The following SCAPER variants were observed in gnomAD, a reference collection of about 807,000 sequenced individuals.
SCAPER encodes S phase cyclin A-associated protein in the endoplasmic reticulum.
SCAPER carries 98 observed loss-of-function variants against 182.2 expected under a neutral mutation model. The observed-to-expected ratio is 0.54, with a 90% CI of 0.46 to 0.64. The LOEUF is 0.64. Among genes scored for constraint, SCAPER ranks in the 30% least tolerant of loss-of-function variants. SCAPER has a pLI of 0.00. For synonymous variants in SCAPER, 605 were observed against 564.6 expected, an observed-to-expected ratio of 1.07 and a Z score of -1.01; for missense variants, 1,432 against 1,690.0, an observed-to-expected ratio of 0.85 and a Z score of 2.68.
At chr15:76,355,211 C>A (rs1031808124) in intron 29 of SCAPER, among the ~76,000 whole-genome samples, 1 of 152,208 alleles carries the variant, frequency 6.6e-6, no homozygotes, top group African/African-American at 2.4e-5. Flanking sequence ...GATGATAATG[C>A]AGTTTAGTTT....
chr15:76,847,072 C>G (rs964552407), intron 4 of SCAPER, among the ~76,000 whole-genome samples: 1 of 151,878 alleles, frequency 6.6e-6, no homozygotes, highest in Non-Finnish European at 1.5e-5. Context: ...GAGGTCCTTA[C>G]GTAAATGAAA....
chr15:76,620,269 T>A (rs1417596579), intron 22 of SCAPER, among the ~76,000 whole-genome samples: 1 of 152,124 alleles, frequency 6.6e-6, no homozygotes, highest in African/African-American at 2.4e-5. Flanking sequence ...CTCATAGAAT[T>A]ATTGTCAGGA....
chr15:76,639,021 T>C (rs150326424), intron 21 of SCAPER, among the ~76,000 whole-genome samples: 5 of 152,146 alleles, frequency 3.3e-5, no homozygotes, highest in African/African-American at 9.7e-5. Context: ...AGAGTCTAAA[T>C]AGAAAATGCC....
chr15:76,800,603 A>C (rs767598285), intron 6 of SCAPER, among the ~76,000 whole-genome samples: 51 of 152,316 alleles, frequency 3.3e-4, no homozygotes, highest in Middle Eastern at 3.4e-3. Context: ...CAGCACAGCA[A>C]CACTACTCCA....
intron 29 of SCAPER, among the ~76,000 whole-genome samples, chr15:76,355,778 G>T (rs1436859183): frequency 1.3e-5 from 2 of 152,220 alleles, no homozygotes; most frequent in Non-Finnish European, 2.9e-5. Flanking sequence ...TCACTGGAGT[G>T]AGGCAGAGCC....
chr15:76,549,064 T>A (rs1452549112), intron 23 of SCAPER, among the ~76,000 whole-genome samples: 5 of 150,882 alleles, frequency 3.3e-5, no homozygotes, highest in South Asian at 2.1e-4. Flanking sequence ...AGGGCTAATA[T>A]CCAGAATCTA....
chr15:76,520,860 C>A (rs1291977289), intron 23 of SCAPER, among the ~76,000 whole-genome samples: 2 of 152,150 alleles, frequency 1.3e-5, no homozygotes. Context: ...TGCCTCCCTG[C>A]ATGGTACACA....
chr15:76,787,697 C>T (rs574084168), intron 8 of SCAPER, among the ~76,000 whole-genome samples: 2 of 152,234 alleles, frequency 1.3e-5, no homozygotes, highest in South Asian at 2.1e-4. Context: ...AAAACGCACA[C>T]TTTATACAAA....
At chr15:76,735,973 C>A (rs2061240050) in intron 15 of SCAPER, among the ~76,000 whole-genome samples, 1 of 152,220 alleles carries the variant, frequency 6.6e-6, no homozygotes, top group South Asian at 2.1e-4. Flanking sequence ...TTCAATCAAC[C>A]ATAGATAAAA....
intron 27 of SCAPER, among the ~76,000 whole-genome samples, chr15:76,403,770 T>C (rs1567068235): frequency 6.6e-6 from 1 of 152,222 alleles, no homozygotes; most frequent in Admixed American, 6.5e-5. Context: ...GGATATGTCA[T>C]ATTCCTATCA....
intron 24 of SCAPER, among the ~76,000 whole-genome samples, chr15:76,497,762 G>A (rs2040696646): frequency 6.6e-6 from 1 of 151,902 alleles, no homozygotes; most frequent in Non-Finnish European, 1.5e-5. Flanking sequence ...GGAGGCCGAG[G>A]TGGGTGGATC....
chr15:76,415,974 T>C (rs1055856406), intron 26 of SCAPER, among the ~76,000 whole-genome samples: 1 of 152,126 alleles, frequency 6.6e-6, no homozygotes, highest in African/African-American at 2.4e-5. Context: ...AATTTAAATA[T>C]TAAAAATGGC....
At chr15:76,665,067 G>C (rs1229572368) in intron 21 of SCAPER, among the ~76,000 whole-genome samples, 2 of 152,142 alleles carry the variant, frequency 1.3e-5, no homozygotes, top group Non-Finnish European at 2.9e-5. Flanking sequence ...CTGTGTCCTC[G>C]AACCGGACTC....
intron 24 of SCAPER, among the ~76,000 whole-genome samples, chr15:76,482,299 A>G (rs553130136): frequency 6.6e-6 from 1 of 152,156 alleles, no homozygotes; most frequent in Non-Finnish European, 1.5e-5. Context: ...TTTTTCAGTT[A>G]CCAACATAAT....
intron 27 of SCAPER, among the ~76,000 whole-genome samples, chr15:76,395,380 G>T (rs76549032): frequency 0.11 from 16,649 of 152,194 alleles, 1,251 homozygotes; most frequent in African/African-American, 0.21. Context: ...GGGATTGCTG[G>T]ATTGTATGGT....
chr15:76,533,662 G>A (rs2056544), intron 23 of SCAPER, among the ~76,000 whole-genome samples: 70,585 of 127,172 alleles, frequency 0.56, 20,363 homozygotes, highest in Middle Eastern at 0.65. Context: ...CTTAAGCAAT[G>A]TTAAAATTAT....
rs114368023 is a variant in SCAPER, at chr15:76,370,944, G to A, written c.3855+5218C>T. On this transcript the variant is annotated intron_variant, in intron 29 of 31. Transcript: ENST00000563290. The stretch of plus-strand genomic sequence containing the variant: ...AGTTTCTGAAATGTACTGTCTTGGT[G>A]AACCCGCATCATCTTCTACACCCCC... 8.3e-3 allele frequency among the ~76,000 whole-genome samples: 1,269 copies of A among 152,250 alleles called. 12 individuals carry two copies. The highest frequency in any genetic ancestry group is 0.029 in the African/African-American group (1,204 of 41,536).
chr15:76,461,093 T>G (rs752099281), intron 25 of SCAPER, among the ~76,000 whole-genome samples: 1 of 152,274 alleles, frequency 6.6e-6, no homozygotes, highest in Middle Eastern at 3.4e-3. Flanking sequence ...TAGCTTTGGT[T>G]AGTTATTTTG....
intron 2 of SCAPER, among the ~76,000 whole-genome samples, chr15:76,874,274 A>G (rs188889735): frequency 6.6e-6 from 1 of 152,310 alleles, no homozygotes; most frequent in East Asian, 1.9e-4. Context: ...TGATAATAAA[A>G]TGATGGCAGG....
Sources: gnomAD v4.1 joint callset for allele counts (sites outside exome capture counted in the v4.1 genomes callset) on GRCh38, gnomAD v4.1.1 for gene constraint, MANE v1.5 for transcripts, NCBI Gene and HGNC (gene_info 2026-07-23, HGNC 2026-07-21) for gene names.